The following VPS39 variants were observed in gnomAD, a reference collection of about 807,000 sequenced individuals.
The protein encoded by VPS39 is vam6/Vps39-like protein.
In VPS39, 70 loss-of-function variants were observed where a neutral mutation model predicts 121.0. That is an observed-to-expected ratio of 0.58 (90% CI 0.48 to 0.71). The LOEUF (loss-of-function observed/expected upper bound fraction) is 0.71. Ranked by LOEUF, VPS39 falls within the 30% of genes least tolerant of loss-of-function variation. VPS39 has a pLI of 0.00. For synonymous variants in VPS39, 378 were observed against 398.1 expected, an observed-to-expected ratio of 0.95 and a Z score of 0.60; for missense variants, 818 against 1,051.5, an observed-to-expected ratio of 0.78 and a Z score of 3.07.
chr15:42,162,569 T>C (rs2049153182), intron 21 of VPS39, 88 bp from the exon 22 acceptor site: 3 of 1,424,314 alleles, frequency 2.1e-6, no homozygotes. Flanking sequence ...TTCGAGGGGC[T>C]CGCCTACAGT....
intron 7 of VPS39, 139 bp downstream of exon 7, chr15:42,187,132 A>G (rs2049719693): frequency 1.6e-6 from 1 of 608,964 alleles, no homozygotes; most frequent in African/African-American, 1.9e-5. Flanking sequence ...CTGAGCATGA[A>G]TGATAACTAC....
intron 7 of VPS39, among the ~76,000 whole-genome samples, chr15:42,186,276 C>CA (rs11337458): frequency 2.1e-3 from 278 of 134,566 alleles, no homozygotes; most frequent in Middle Eastern, 3.8e-3. Flanking sequence ...TACAAAAATA[C>CA]AAAAAAAAAA....
chr15:42,191,422 C>G lies in VPS39; in HGVS notation c.204+74G>C, dbSNP rs1168753855. On this transcript the variant is annotated intron_variant, in intron 3 of 24. Coordinates refer to ENST00000318006, the MANE Select transcript of VPS39 (RefSeq NM_015289.5). ...AAGAGGATTCAGAGTTAATAAATAACATTACCAAAGTTCTAGTCTGACAGG... is the reference window on the plus strand; with the variant it reads ...AAGAGGATTCAGAGTTAATAAATAAGATTACCAAAGTTCTAGTCTGACAGG... 6 of 1,445,478 alleles carry G rather than the reference C, an allele frequency of 4.2e-6. No homozygotes were observed. In the East Asian group the frequency reaches 1.4e-4, roughly 33 times the overall value. 89.5% of individuals were successfully genotyped at this position (1,445,478 alleles called of 1,614,324 possible). A position where few individuals can be genotyped will look rare whatever the true frequency, so the allele number is the denominator to read the frequency against.
At chr15:42,188,693 G>A (rs1281883155) in intron 5 of VPS39, among the ~76,000 whole-genome samples, 1 of 152,122 alleles carries the variant, frequency 6.6e-6, no homozygotes, top group Non-Finnish European at 1.5e-5. Context: ...CTTTGGGCCG[G>A]GTGCAGTGGC....
chr15:42,197,328 A>C (rs190590132), intron 2 of VPS39, among the ~76,000 whole-genome samples: 159 of 152,068 alleles, frequency 1.0e-3, no homozygotes, highest in African/African-American at 3.8e-3. Context: ...AGTATAATTA[A>C]AAAGAGTGGA....
At chr15:42,187,416 A>G in intron 6 of VPS39, 53 bp from the exon 7 acceptor site, 2 of 1,513,202 alleles carry the variant, frequency 1.3e-6, no homozygotes, top group Non-Finnish European at 1.8e-6. Context: ...TTAAAAAATC[A>G]TGACTTTCCT....
intron 12 of VPS39, among the ~76,000 whole-genome samples, chr15:42,167,757 C>G (rs2049273355): frequency 6.6e-6 from 1 of 152,034 alleles, no homozygotes; most frequent in South Asian, 2.1e-4. Flanking sequence ...TTTATATATA[C>G]CATCTTAAAC....
At chr15:42,185,030 GCCATATGCCCCTTAAAGATACACTTA>G (rs1846978651) in intron 7 of VPS39, among the ~76,000 whole-genome samples, 1 of 152,138 alleles carries the variant, frequency 6.6e-6, no homozygotes. Context: ...AGATACACTT[GCCATATGCCCCTTAAAGATACACTTA>G]CCATATGCCC....
At chr15:42,178,372 C>A in intron 9 of VPS39, 34 bp from the exon 10 acceptor site, 1 of 1,613,956 alleles carries the variant, frequency 6.2e-7, no homozygotes, top group East Asian at 2.2e-5. Context: ...AGCAAAAGAT[C>A]ACAGGCTTTG....
Position 42,167,557 on chromosome 15 carries a change from G to C in VPS39, c.1234-20C>G. ...TCGTTTCTGCAAAGGTCAAAATGTGGGGTTAAGGCCAGGACTAAGTCTTCC... is the reference window on the plus strand; with the variant it reads ...TCGTTTCTGCAAAGGTCAAAATGTGCGGTTAAGGCCAGGACTAAGTCTTCC... On this transcript the variant is annotated intron_variant, in intron 12 of 24. Transcript: ENST00000318006. 1.2e-6 allele frequency: 2 copies of C among 1,613,282 alleles called. No individual in the cohort carries two copies. Among genetic ancestry groups the C allele is most frequent in the Non-Finnish European group, 1.7e-6 (2 of 1,179,566 alleles).
intron 2 of VPS39, chr15:42,199,465 T>C: frequency 2.7e-6 from 1 of 368,750 alleles, no homozygotes; most frequent in Non-Finnish European, 5.3e-6. Flanking sequence ...ACCCTGGTCC[T>C]CTCTTCTTGT....
intron 1 of VPS39, among the ~76,000 whole-genome samples, chr15:42,206,038 C>T (rs895692024): frequency 1.4e-4 from 22 of 152,146 alleles, no homozygotes; most frequent in Admixed American, 1.2e-3. Flanking sequence ...GAATCAAGAA[C>T]GGTTTTGGCT....
chr15:42,177,555 T>C (rs1390737241), intron 10 of VPS39, among the ~76,000 whole-genome samples: 1 of 152,240 alleles, frequency 6.6e-6, no homozygotes, highest in Admixed American at 6.5e-5. Context: ...AGTTGTTGCA[T>C]TCAACTTTAC....
At chr15:42,195,416 G>A (rs576848126) in intron 2 of VPS39, among the ~76,000 whole-genome samples, 14 of 152,222 alleles carry the variant, frequency 9.2e-5, no homozygotes, top group Non-Finnish European at 1.5e-4. Flanking sequence ...CACTACAAAA[G>A]ATACAAAAAT....
chr15:42,161,400 T>G, intron 24 of VPS39: 2 of 501,796 alleles, frequency 4.0e-6, no homozygotes, highest in Admixed American at 6.3e-5. Context: ...CTACATCTCT[T>G]GGGCACCCAC....
intron 17 of VPS39, 48 bp from the exon 18 acceptor site, chr15:42,165,161 C>T (rs757357633): frequency 1.3e-6 from 2 of 1,563,422 alleles, no homozygotes; most frequent in Admixed American, 3.3e-5. Flanking sequence ...CAGGCTGTGA[C>T]CTGGTCTCCC....
In VPS39 at chr15:42,166,836, T is replaced by C. The variant is rs1619030; in HGVS notation, c.1455A>G (p.Leu485=). 0.19 allele frequency: 299,690 copies of C among 1,614,016 alleles called. 41,952 individuals are homozygous for C. The highest frequency in any genetic ancestry group is 0.65 in the African/African-American group (48,919 of 74,966). Residue 485 remains leucine, a synonymous_variant, in exon 14 of 25, where the codon CTA becomes CTG. Transcript: ENST00000318006. ...GCTCACTGTACTTGTGAGCCTTCTT[T>C]AGCACGTGCTCGCTCTCCTCGATGT... ...HCHIEESEHV[L]KKAHKYSELI... is the part of the protein sequence containing the mutation.
chr15:42,199,023 C>A (rs991733857), intron 2 of VPS39, among the ~76,000 whole-genome samples: 5 of 152,148 alleles, frequency 3.3e-5, no homozygotes, highest in African/African-American at 1.2e-4. Context: ...CCCAGTGTTA[C>A]CCTTGCTCCA....
intron 2 of VPS39, among the ~76,000 whole-genome samples, chr15:42,195,796 T>C (rs1213800831): frequency 1.3e-5 from 2 of 152,162 alleles, no homozygotes; most frequent in East Asian, 3.8e-4. Flanking sequence ...CCAATGACTG[T>C]CTTCACAGAA....
Sources: gnomAD v4.1 joint callset for allele counts (sites outside exome capture counted in the v4.1 genomes callset) on GRCh38, gnomAD v4.1.1 for gene constraint, MANE v1.5 for transcripts, NCBI Gene and HGNC (gene_info 2026-07-23, HGNC 2026-07-21) for gene names.